SNTG1: variants seen among roughly 807,000 people sequenced by gnomAD.
SNTG1 encodes gamma-1-syntrophin.
In SNTG1, 39 loss-of-function variants were observed where a neutral mutation model predicts 74.7. The observed-to-expected ratio is 0.52, with a 90% CI of 0.40 to 0.68. SNTG1 has a LOEUF of 0.68. Ranked by LOEUF, SNTG1 falls within the 30% of genes least tolerant of loss-of-function variation. The probability of loss-of-function intolerance (pLI) is 0.00; values close to 1 mark genes in which losing one functional copy is unlikely to be tolerated. For missense variants in SNTG1, 685 were observed against 609.5 expected (o/e 1.12, Z -1.30); for synonymous variants, 254 against 217.1 (o/e 1.17, Z -1.49).
At chr8:49,930,263 T>TA (rs5891333) in intron 1 of SNTG1, among the ~76,000 whole-genome samples, 131,242 of 151,446 alleles carry the variant, frequency 0.87, 57,043 homozygotes, top group East Asian at 1. Flanking sequence ...CCAGGAATAG[T>TA]AAAAAAAATC....
chr8:49,947,178 G>C (rs911824743), intron 1 of SNTG1, among the ~76,000 whole-genome samples: 9 of 152,106 alleles, frequency 5.9e-5, no homozygotes, highest in Non-Finnish European at 8.8e-5. Context: ...GCACATGCTT[G>C]TAATCCCAGC....
chr8:50,509,158 C>T (rs996623752), intron 9 of SNTG1, among the ~76,000 whole-genome samples: 1 of 152,168 alleles, frequency 6.6e-6, no homozygotes, highest in African/African-American at 2.4e-5. Context: ...GTTCTCCCAG[C>T]ACCATTTATT....
chr8:49,925,451 T>A (rs1344702191), intron 1 of SNTG1, among the ~76,000 whole-genome samples: 2 of 151,498 alleles, frequency 1.3e-5, no homozygotes, highest in Non-Finnish European at 2.9e-5. Context: ...TGTATCTGTC[T>A]GTCTGTCTGT....
intron 18 of SNTG1, among the ~76,000 whole-genome samples, chr8:50,777,640 AT>A (rs145272158): frequency 0.12 from 17,175 of 149,228 alleles, 2,912 homozygotes; most frequent in African/African-American, 0.37. Flanking sequence ...CATCTTTTGA[AT>A]TTTTTTTCCA....
intron 8 of SNTG1, among the ~76,000 whole-genome samples, chr8:50,502,362 G>A (rs2093967738): frequency 6.6e-6 from 1 of 152,092 alleles, no homozygotes; most frequent in Non-Finnish European, 1.5e-5. Context: ...CTTATTTTAT[G>A]TTACATAACA....
intron 4 of SNTG1, among the ~76,000 whole-genome samples, chr8:50,407,325 A>G (rs2092890364): frequency 6.6e-6 from 1 of 152,226 alleles, no homozygotes; most frequent in Admixed American, 6.5e-5. Flanking sequence ...CTGAAGAACC[A>G]TAGGCAAGGA....
intron 13 of SNTG1, among the ~76,000 whole-genome samples, chr8:50,607,803 A>AGTTT (rs2094823463): frequency 1.3e-5 from 2 of 151,518 alleles, no homozygotes; most frequent in Non-Finnish European, 3.0e-5. Context: ...TTGAAATGTA[A>AGTTT]CATAAGTTTT....
chr8:50,227,203 A>G (rs1349021638), intron 2 of SNTG1, among the ~76,000 whole-genome samples: 3 of 152,136 alleles, frequency 2.0e-5, no homozygotes, highest in Non-Finnish European at 2.9e-5. Context: ...GCCCTGAACT[A>G]CAGACCTATA....
chr8:50,262,632 A>G (rs1342347373), intron 2 of SNTG1, among the ~76,000 whole-genome samples: 1 of 152,036 alleles, frequency 6.6e-6, no homozygotes, highest in East Asian at 1.9e-4. Flanking sequence ...GATGGTCTCG[A>G]TCTCCTGACT....
At chr8:50,246,224 A>T (rs16919465) in intron 2 of SNTG1, among the ~76,000 whole-genome samples, 4,170 of 151,874 alleles carry the variant, frequency 0.027, 181 homozygotes, top group African/African-American at 0.091. Flanking sequence ...TTCTTTGGTA[A>T]GTTCCTAGGG....
intron 4 of SNTG1, among the ~76,000 whole-genome samples, chr8:50,421,444 T>G (rs750819268): frequency 3.3e-5 from 5 of 152,138 alleles, no homozygotes; most frequent in African/African-American, 4.8e-5. Flanking sequence ...AGTGTAGCAG[T>G]GAGGAACACC....
chr8:50,086,993 C>T (rs1822948852), intron 1 of SNTG1, among the ~76,000 whole-genome samples: 2 of 152,138 alleles, frequency 1.3e-5, no homozygotes, highest in South Asian at 4.1e-4. Flanking sequence ...ACTTCTAAGG[C>T]AAGGTCATTG....
chr8:50,431,769 C>G (rs1482178442), intron 4 of SNTG1, among the ~76,000 whole-genome samples: 1 of 152,002 alleles, frequency 6.6e-6, no homozygotes, highest in Admixed American at 6.6e-5. Context: ...TTTGCAATTC[C>G]CCCTGACAAA....
chr8:50,428,432 C>T (rs2131507380), intron 4 of SNTG1, among the ~76,000 whole-genome samples: 1 of 152,306 alleles, frequency 6.6e-6, no homozygotes, highest in East Asian at 1.9e-4. Context: ...AGTTACTTAA[C>T]ATCACTGTGG....
intron 1 of SNTG1, among the ~76,000 whole-genome samples, chr8:50,006,712 A>T (rs1479719930): frequency 2.0e-5 from 3 of 152,036 alleles, no homozygotes; most frequent in African/African-American, 7.2e-5. Context: ...GTCCCTACTG[A>T]TGCTGCTTTG....
chr8:50,570,448 G>A lies in SNTG1; in HGVS notation c.810+17269G>A, dbSNP rs536204543. ...TAATTTTTCTATTTTTGGCAGAGAC[G>A]GGGTTTCACCATATTGGTTAGGCTG... On this transcript the variant is annotated intron_variant, in intron 12 of 18. Coordinates refer to ENST00000642720, the MANE Select transcript of SNTG1 (RefSeq NM_018967.5). 2.1e-3 allele frequency among the ~76,000 whole-genome samples: 309 copies of A among 148,402 alleles called. 2 individuals are homozygous for A. The highest frequency in any genetic ancestry group is 6.7e-3 in the African/African-American group (274 of 40,844).
intron 15 of SNTG1, among the ~76,000 whole-genome samples, chr8:50,692,860 A>T (rs904417587): frequency 2.6e-5 from 4 of 152,222 alleles, no homozygotes; most frequent in African/African-American, 9.6e-5. Flanking sequence ...CGGAGCCTAC[A>T]GAGGCAGGCA....
intron 1 of SNTG1, among the ~76,000 whole-genome samples, chr8:49,950,964 A>C (rs1475632999): frequency 1.3e-5 from 2 of 152,228 alleles, no homozygotes; most frequent in African/African-American, 4.8e-5. Context: ...TAATTTTTAA[A>C]TGTTATAAAT....
intron 15 of SNTG1, among the ~76,000 whole-genome samples, chr8:50,691,995 C>A (rs1489987333): frequency 6.6e-6 from 1 of 152,072 alleles, no homozygotes; most frequent in African/African-American, 2.4e-5. Context: ...TCATTTCATT[C>A]ATTTCATCTT....
Sources: gnomAD v4.1 joint callset for allele counts (sites outside exome capture counted in the v4.1 genomes callset) on GRCh38, gnomAD v4.1.1 for gene constraint, MANE v1.5 for transcripts, NCBI Gene and HGNC (gene_info 2026-07-23, HGNC 2026-07-21) for gene names.